Variants in PID1 observed in about 807,000 individuals in gnomAD.
The protein encoded by PID1 is PTB-containing, cubilin and LRP1-interacting protein.
PID1 carries 10 observed loss-of-function variants against 19.1 expected under a neutral mutation model. That is an observed-to-expected ratio of 0.52 (90% CI 0.32 to 0.89). PID1 has a LOEUF of 0.89. Among genes scored for constraint, PID1 ranks in the 40% least tolerant of loss-of-function variants. The pLI is 0.03. For synonymous variants in PID1, 130 were observed against 116.0 expected, an observed-to-expected ratio of 1.12 and a Z score of -0.78; for missense variants, 248 against 285.3, an observed-to-expected ratio of 0.87 and a Z score of 0.94.
intron 2 of PID1, among the ~76,000 whole-genome samples, chr2:229,086,175 G>GA (rs1694760293): frequency 6.6e-6 from 1 of 152,012 alleles, no homozygotes; most frequent in Non-Finnish European, 1.5e-5. Flanking sequence ...TTCTATTACA[G>GA]AAGCTCCTCA....
intron 1 of PID1, among the ~76,000 whole-genome samples, chr2:229,159,373 G>A (rs1224626194): frequency 3.9e-5 from 6 of 152,190 alleles, no homozygotes; most frequent in Non-Finnish European, 2.9e-5. Context: ...TTTTGTAGAT[G>A]TGATTAAAGT....
chr2:229,255,596 G>A (rs570596067), intron 1 of PID1, among the ~76,000 whole-genome samples: 13 of 152,226 alleles, frequency 8.5e-5, no homozygotes, highest in Non-Finnish European at 1.8e-4. Context: ...CCCTCTACAT[G>A]TCCTCCATTT....
At position 229,268,632 on chromosome 2, in the gene PID1, G is replaced by A. The variant is rs902051370; in HGVS notation, c.30+2382C>T. On this transcript the variant is annotated intron_variant, in intron 1 of 2. Transcript: ENST00000392055. Reference sequence around the variant, plus strand: ...AAATGAGAAAAAAATTAATGAGGTCGAATGAGAAGGTTTATAAAGATTTGT... The same window carrying A: ...AAATGAGAAAAAAATTAATGAGGTCAAATGAGAAGGTTTATAAAGATTTGT... Among the ~76,000 whole-genome samples the A allele has an allele frequency of 2.0e-4, 30 of 152,252 alleles. 1 individual carries two copies. Among genetic ancestry groups the A allele is most frequent in the South Asian group, 4.1e-4 (2 of 4,824 alleles).
chr2:229,101,288 C>T (rs1367445540), intron 2 of PID1, among the ~76,000 whole-genome samples: 1 of 152,086 alleles, frequency 6.6e-6, no homozygotes, highest in African/African-American at 2.4e-5. Flanking sequence ...CATAGGTAAA[C>T]GTGTGCCATG....
chr2:229,156,519 A>C (rs985742407), intron 1 of PID1, among the ~76,000 whole-genome samples: 8 of 152,128 alleles, frequency 5.3e-5, no homozygotes, highest in Non-Finnish European at 1.0e-4. Flanking sequence ...TTTCATATGC[A>C]ACATCCATTG....
chr2:229,029,335 A>G (rs28368744), intron 2 of PID1, among the ~76,000 whole-genome samples: 80,447 of 145,970 alleles, frequency 0.55, 22,466 homozygotes, highest in Non-Finnish European at 0.58. Flanking sequence ...AAAAAAAAAC[A>G]TGAAAACATG....
chr2:229,097,691 C>A (rs1029277619), intron 2 of PID1, among the ~76,000 whole-genome samples: 1 of 152,074 alleles, frequency 6.6e-6, no homozygotes, highest in African/African-American at 2.4e-5. Flanking sequence ...GTAGAAACAC[C>A]TTTTAATCAC....
chr2:229,190,322 T>C (rs1236446761), intron 1 of PID1, among the ~76,000 whole-genome samples: 3 of 152,186 alleles, frequency 2.0e-5, no homozygotes, highest in African/African-American at 7.2e-5. Flanking sequence ...ATTATGCAAA[T>C]GATAGAGTTG....
intron 1 of PID1, among the ~76,000 whole-genome samples, chr2:229,221,419 C>T (rs1415366841): frequency 6.6e-6 from 1 of 152,200 alleles, no homozygotes; most frequent in East Asian, 1.9e-4. Context: ...TATCCAAAGC[C>T]ACCTAAAGAC....
intron 2 of PID1, among the ~76,000 whole-genome samples, chr2:229,057,564 G>A (rs555253931): frequency 6.6e-6 from 1 of 151,614 alleles, no homozygotes; most frequent in East Asian, 1.9e-4. Context: ...TTGGAACTGA[G>A]TGAGAAAATT....
intron 2 of PID1, among the ~76,000 whole-genome samples, chr2:229,086,022 C>G (rs570406129): frequency 5.9e-5 from 9 of 152,062 alleles, no homozygotes; most frequent in Admixed American, 1.3e-4. Context: ...GTAATACATA[C>G]CCTATTTTGC....
intron 2 of PID1, among the ~76,000 whole-genome samples, chr2:229,127,543 C>A (rs1286190572): frequency 6.6e-6 from 1 of 152,142 alleles, no homozygotes; most frequent in Admixed American, 6.5e-5. Flanking sequence ...TGAAGGGGTG[C>A]TTTTTCTCTA....
At chr2:229,245,920 T>C (rs1010369062) in intron 1 of PID1, among the ~76,000 whole-genome samples, 1 of 152,180 alleles carries the variant, frequency 6.6e-6, no homozygotes, top group African/African-American at 2.4e-5. Context: ...TTATCCTGCA[T>C]CCTTCATTTT....
chr2:229,087,543 C>A lies in PID1; in HGVS notation c.178-61435G>T, dbSNP rs552303483. On this transcript the variant is annotated intron_variant, in intron 2 of 2. Transcript: ENST00000392055. ...GGGTGTGTTCATGAAAACTCAGCAG[C>A]CTTTATGTACATTTACAATTTCCAT... Among the ~76,000 whole-genome samples the A allele has an allele frequency of 1.1e-4, 16 of 152,284 alleles. No homozygotes were observed. In the South Asian group the frequency reaches 2.5e-3, roughly 24 times the overall value.
chr2:229,182,975 G>A lies in PID1; in HGVS notation c.31-27011C>T, dbSNP rs148492910. ...TTCTCAGCTGAGGGCTTTGCTTCCC[G>A]CTATAGGTTGAACTATGTTTTCCAA... On this transcript the variant is annotated intron_variant, in intron 1 of 2. Transcript: ENST00000392055. Among the ~76,000 whole-genome samples, 857 of 152,218 alleles carry A rather than the reference G, an allele frequency of 5.6e-3. 11 individuals are homozygous for A. The highest frequency in any genetic ancestry group is 0.02 in the African/African-American group (811 of 41,520).
chr2:229,099,458 AG>A (rs1695034324), intron 2 of PID1, among the ~76,000 whole-genome samples: 1 of 152,192 alleles, frequency 6.6e-6, no homozygotes, highest in African/African-American at 2.4e-5. Flanking sequence ...CTTACTGCAC[AG>A]GTTTCCATGA....
intron 2 of PID1, among the ~76,000 whole-genome samples, chr2:229,151,909 T>A (rs1054391803): frequency 1.3e-5 from 2 of 152,100 alleles, no homozygotes; most frequent in African/African-American, 2.4e-5. Flanking sequence ...TTATCACTAT[T>A]TTGTGAAGGC....
intron 2 of PID1, among the ~76,000 whole-genome samples, chr2:229,110,492 T>C (rs999439561): frequency 1.3e-5 from 2 of 152,098 alleles, no homozygotes; most frequent in African/African-American, 2.4e-5. Context: ...TCACAGAATA[T>C]AGCACCAGGG....
intron 1 of PID1, among the ~76,000 whole-genome samples, chr2:229,205,513 C>T (rs1003307294): frequency 1.3e-5 from 2 of 152,068 alleles, no homozygotes; most frequent in Admixed American, 6.6e-5. Context: ...GCACTTTGCT[C>T]AGCGGGAGAT....
Sources: allele counts gnomAD v4.1 joint callset (sites outside exome capture counted in the v4.1 genomes callset), GRCh38; gene constraint gnomAD v4.1.1; transcripts MANE v1.5; gene names NCBI Gene and HGNC (gene_info 2026-07-23, HGNC 2026-07-21).